The following ACCSL variants were observed in gnomAD, a reference collection of about 807,000 sequenced individuals.
ACCSL encodes probable inactive 1-aminocyclopropane-1-carboxylate synthase-like protein 2.
In ACCSL, 55 loss-of-function variants were observed where a neutral mutation model predicts 61.7. That is an observed-to-expected ratio of 0.89 (90% confidence interval 0.72 to 1.12). The LOEUF (loss-of-function observed/expected upper bound fraction) is 1.12. Ranked by LOEUF, ACCSL falls within the 50% of genes most tolerant of loss-of-function variation. The pLI, the probability that ACCSL is intolerant of heterozygous loss-of-function variation, is 0.00. For synonymous variants in ACCSL, 258 were observed against 264.3 expected (o/e 0.98, Z 0.23); for missense variants, 632 against 698.0 (o/e 0.91, Z 1.07).
chr11:44,018,765 T>G, the ACCSL span, among the ~76,000 whole-genome samples: 1 of 152,188 alleles, frequency 6.6e-6, no homozygotes, highest in Non-Finnish European at 1.5e-5. Context: ...GCTAGGAGTT[T>G]GAGACCAGCC....
the ACCSL span, among the ~76,000 whole-genome samples, chr11:44,024,303 T>C: frequency 6.6e-6 from 1 of 152,184 alleles, no homozygotes; most frequent in Admixed American, 6.6e-5. Context: ...TCTGGAACTA[T>C]ACCTCCAGCT....
chr11:44,008,450 G>A, the ACCSL span, among the ~76,000 whole-genome samples: 1 of 152,234 alleles, frequency 6.6e-6, no homozygotes, highest in African/African-American at 2.4e-5. Context: ...GCAATGTCAG[G>A]AGACCTGGTC....
At chr11:43,926,504 T>C in the ACCSL span, 1 of 456,104 alleles carries the variant, frequency 2.2e-6, no homozygotes, top group Non-Finnish European at 4.4e-6. Flanking sequence ...GGAATTCTGT[T>C]CAAGACCAGG....
chr11:44,033,099 G>A, the ACCSL span, among the ~76,000 whole-genome samples: 4 of 152,198 alleles, frequency 2.6e-5, no homozygotes, highest in Non-Finnish European at 4.4e-5. Flanking sequence ...TGGTCAGGTG[G>A]ACGAACAGTC....
At chr11:44,011,337 T>C in the ACCSL span, among the ~76,000 whole-genome samples, 1 of 152,204 alleles carries the variant, frequency 6.6e-6, no homozygotes, top group Non-Finnish European at 1.5e-5. Flanking sequence ...ATGGATTTAT[T>C]AGTGAGCTTG....
At chr11:43,999,572 C>T in the ACCSL span, among the ~76,000 whole-genome samples, 1 of 152,172 alleles carries the variant, frequency 6.6e-6, no homozygotes, top group Non-Finnish European at 1.5e-5. Context: ...CCATGACACT[C>T]CGGCAAAGCT....
upstream of ACCSL, among the ~76,000 whole-genome samples, chr11:44,046,293 G>A (rs893389171): frequency 1.3e-5 from 2 of 152,186 alleles, no homozygotes; most frequent in East Asian, 1.9e-4. Flanking sequence ...GGTTGGGATC[G>A]TAAGTCAAGA....
chr11:43,931,916 T>C, the ACCSL span, among the ~76,000 whole-genome samples: 1 of 151,432 alleles, frequency 6.6e-6, no homozygotes, highest in Non-Finnish European at 1.5e-5. Flanking sequence ...GTCCTAAAAG[T>C]GCAGAGCCCA....
chr11:44,048,376 T>C lies in ACCSL; in HGVS notation c.340T>C (p.Ser114Pro), dbSNP rs765889809. ...DVRYGQRAQLSGQPDPVPQLS... is the reference protein window; with the variant it reads ...DVRYGQRAQLPGQPDPVPQLS... ...CAGATATGGGCAGAGGGCCCAACTC[T>C]CTGGGCAGCCTGATCCAGTTCCCCA... Residue 114 changes from serine to proline, a missense_variant, in exon 1 of 14, where the codon TCT becomes CCT. By Grantham distance (74) the Ser-to-Pro change is moderately conservative. Coordinates refer to ENST00000378832, the MANE Select transcript of ACCSL (RefSeq NM_001031854.2). 3.7e-6 allele frequency: 6 copies of C among 1,614,096 alleles called. No individual in the cohort carries two copies.
the ACCSL span, among the ~76,000 whole-genome samples, chr11:44,022,986 A>G: frequency 6.6e-6 from 1 of 150,686 alleles, no homozygotes; most frequent in Non-Finnish European, 1.5e-5. Flanking sequence ...TCTGGTTACT[A>G]ATTCAATCTC....
the ACCSL span, among the ~76,000 whole-genome samples, chr11:44,005,179 C>A: frequency 6.6e-6 from 1 of 151,860 alleles, no homozygotes; most frequent in Non-Finnish European, 1.5e-5. Context: ...GGCTGTCCCT[C>A]CACCCCTCGA....
chr11:43,983,401 G>T, the ACCSL span, among the ~76,000 whole-genome samples: 1 of 152,164 alleles, frequency 6.6e-6, no homozygotes, highest in South Asian at 2.1e-4. Flanking sequence ...CTATGTGCCT[G>T]GTGCAGGGGA....
chr11:44,024,405 A>C, the ACCSL span, among the ~76,000 whole-genome samples: 1 of 146,106 alleles, frequency 6.8e-6, no homozygotes. Context: ...ATCTTCTCCC[A>C]TGTATATCTC....
At chr11:43,978,251 C>A in the ACCSL span, among the ~76,000 whole-genome samples, 2 of 152,056 alleles carry the variant, frequency 1.3e-5, no homozygotes, top group Non-Finnish European at 2.9e-5. Flanking sequence ...CTCAAGTGAT[C>A]CATCAGCTTT....
chr11:44,030,099 C>T, the ACCSL span, among the ~76,000 whole-genome samples: 5 of 61,824 alleles, frequency 8.1e-5, no homozygotes. Context: ...TAAAGGGGCT[C>T]CCCCTGGTTT....
chr11:43,983,503 T>C, the ACCSL span, among the ~76,000 whole-genome samples: 1 of 152,106 alleles, frequency 6.6e-6, no homozygotes, highest in Non-Finnish European at 1.5e-5. Flanking sequence ...AAATTGGTGC[T>C]CTGTGCTGTA....
the ACCSL span, among the ~76,000 whole-genome samples, chr11:43,966,841 T>G: frequency 2.0e-5 from 3 of 152,186 alleles, no homozygotes; most frequent in Non-Finnish European, 4.4e-5. Flanking sequence ...ATCTATCACC[T>G]TTTAGTTAGA....
chr11:44,039,046 G>T, the ACCSL span, among the ~76,000 whole-genome samples: 5 of 152,276 alleles, frequency 3.3e-5, no homozygotes, highest in South Asian at 1.0e-3. Context: ...TGCTCCCAGG[G>T]TCTAAGACAA....
upstream of ACCSL, among the ~76,000 whole-genome samples, chr11:44,045,572 T>C (rs1468127233): frequency 6.6e-6 from 1 of 152,172 alleles, no homozygotes; most frequent in East Asian, 1.9e-4. Context: ...CAAACTACTT[T>C]AAACAAGTTT....
Sources: gnomAD v4.1 joint callset for allele counts (sites outside exome capture counted in the v4.1 genomes callset) on GRCh38, gnomAD v4.1.1 for gene constraint, MANE v1.5 for transcripts, NCBI Gene and HGNC (gene_info 2026-07-23, HGNC 2026-07-21) for gene names.